The following LRFN2 variants were observed in gnomAD, a reference collection of about 807,000 sequenced individuals.
The protein encoded by LRFN2 is leucine-rich repeat and fibronectin type-III domain-containing protein 2.
A neutral mutation model predicts 37.3 loss-of-function variants in LRFN2; 18 were observed. That is an observed-to-expected ratio of 0.48 (90% CI 0.33 to 0.72). The LOEUF is 0.72. Ranked by LOEUF, LRFN2 falls within the 30% of genes least tolerant of loss-of-function variation. LRFN2 has a pLI of 0.02. For synonymous variants in LRFN2, 556 were observed against 466.6 expected, an observed-to-expected ratio of 1.19 and a Z score of -2.47; for missense variants, 1,006 against 1,060.7, an observed-to-expected ratio of 0.95 and a Z score of 0.72.
chr6:40,480,168 G>T (rs1764794949), intron 1 of LRFN2, among the ~76,000 whole-genome samples: 1 of 152,188 alleles, frequency 6.6e-6, no homozygotes, highest in Non-Finnish European at 1.5e-5. Flanking sequence ...CTGTTTCTCA[G>T]ATGAGGAAAT....
chr6:40,456,189 G>T (rs1464337725), intron 1 of LRFN2, among the ~76,000 whole-genome samples: 1 of 152,236 alleles, frequency 6.6e-6, no homozygotes, highest in Admixed American at 6.5e-5. Flanking sequence ...AGCTGTGTGA[G>T]ACCCTGAGCA....
intron 1 of LRFN2, among the ~76,000 whole-genome samples, chr6:40,568,980 C>T (rs571272699): frequency 6.6e-6 from 1 of 152,282 alleles, no homozygotes; most frequent in Non-Finnish European, 1.5e-5. Context: ...CCACACAGAA[C>T]CAGACGGGAG....
intron 1 of LRFN2, among the ~76,000 whole-genome samples, chr6:40,497,277 C>A (rs545498592): frequency 1.2e-4 from 19 of 152,162 alleles, no homozygotes; most frequent in African/African-American, 4.6e-4. Flanking sequence ...CTGGTTCTCA[C>A]CCACTGAGGA....
At chr6:40,474,132 C>T (rs982202668) in intron 1 of LRFN2, among the ~76,000 whole-genome samples, 2 of 152,016 alleles carry the variant, frequency 1.3e-5, no homozygotes, top group East Asian at 3.9e-4. Flanking sequence ...TCAGGTAAGT[C>T]GAGAGCCTTG....
At chr6:40,476,615 C>G (rs986764310) in intron 1 of LRFN2, among the ~76,000 whole-genome samples, 1 of 152,288 alleles carries the variant, frequency 6.6e-6, no homozygotes, top group Non-Finnish European at 1.5e-5. Flanking sequence ...AAGCTCAACA[C>G]TCTTGGTCTC....
intron 1 of LRFN2, among the ~76,000 whole-genome samples, chr6:40,439,096 C>T (rs953686153): frequency 4.6e-5 from 7 of 152,110 alleles, no homozygotes; most frequent in Admixed American, 4.6e-4. Flanking sequence ...CAATCAGAAC[C>T]ACCTCGAGCT....
At chr6:40,437,907 C>T (rs957721180) in intron 1 of LRFN2, among the ~76,000 whole-genome samples, 2 of 152,148 alleles carry the variant, frequency 1.3e-5, no homozygotes, top group African/African-American at 4.8e-5. Flanking sequence ...TTCAGAAGCT[C>T]ATAGCCACAT....
At chr6:40,485,759 C>T (rs1190504038) in intron 1 of LRFN2, among the ~76,000 whole-genome samples, 1 of 152,190 alleles carries the variant, frequency 6.6e-6, no homozygotes, top group Non-Finnish European at 1.5e-5. Context: ...AGCTCAAGGT[C>T]ACTTGGTTAT....
intron 1 of LRFN2, among the ~76,000 whole-genome samples, chr6:40,462,427 C>G (rs994289151): frequency 6.6e-6 from 1 of 152,264 alleles, no homozygotes; most frequent in Middle Eastern, 3.4e-3. Flanking sequence ...TGGGAAACCC[C>G]TGCAGCTCCC....
intron 1 of LRFN2, among the ~76,000 whole-genome samples, chr6:40,561,865 C>A (rs1349481853): frequency 1.3e-5 from 2 of 152,054 alleles, no homozygotes; most frequent in Non-Finnish European, 2.9e-5. Context: ...CAGGCTCAGG[C>A]TTCCTTGCTC....
chr6:40,416,765 C>T (rs1436628543), intron 2 of LRFN2, among the ~76,000 whole-genome samples: 1 of 152,298 alleles, frequency 6.6e-6, no homozygotes, highest in African/African-American at 2.4e-5. Context: ...TGTGCCCTCC[C>T]TCGGGTCAGC....
intron 1 of LRFN2, among the ~76,000 whole-genome samples, chr6:40,437,536 A>C (rs1326851272): frequency 6.6e-6 from 1 of 152,228 alleles, no homozygotes; most frequent in Non-Finnish European, 1.5e-5. Flanking sequence ...TAATGAATTC[A>C]AATCTGTGAC....
In LRFN2 at chr6:40,449,615, T is replaced by A. The variant is rs1764055643; in HGVS notation, c.-18-16484A>T. 2.6e-5 allele frequency among the ~76,000 whole-genome samples: 4 copies of A among 152,208 alleles called. No homozygotes were observed. The South Asian group carries it at 8.3e-4, about 32-fold the overall frequency. ...GGTTTGAGAATGCAAAACAATAAGA[T>A]GGAAGGAACCTGGGTATCTGGTGAT... On this transcript the variant is annotated intron_variant, in intron 1 of 2. Coordinates refer to ENST00000338305, the MANE Select transcript of LRFN2 (RefSeq NM_020737.3).
intron 1 of LRFN2, among the ~76,000 whole-genome samples, chr6:40,520,250 C>T (rs1055905222): frequency 6.6e-6 from 1 of 151,946 alleles, no homozygotes; most frequent in Admixed American, 6.6e-5. Flanking sequence ...GCAGTTCTGG[C>T]GTACGGCAGT....
intron 1 of LRFN2, among the ~76,000 whole-genome samples, chr6:40,529,229 G>A (rs189625010): frequency 1.6e-3 from 250 of 152,252 alleles, no homozygotes; most frequent in African/African-American, 5.4e-3. Flanking sequence ...GTCAGCCAGC[G>A]CTTCAAAGGA....
At chr6:40,401,065 G>A (rs747186182) in intron 2 of LRFN2, among the ~76,000 whole-genome samples, 1 of 146,874 alleles carries the variant, frequency 6.8e-6, no homozygotes, top group Non-Finnish European at 1.5e-5. Context: ...ACCTCTCTCT[G>A]TAGGCTGAGG....
intron 1 of LRFN2, among the ~76,000 whole-genome samples, chr6:40,483,583 A>G (rs1335183710): frequency 6.6e-6 from 1 of 152,192 alleles, no homozygotes; most frequent in Non-Finnish European, 1.5e-5. Context: ...AGTTTTTCAC[A>G]AATCAGCCCA....
chr6:40,489,846 T>A (rs1264624663), intron 1 of LRFN2, among the ~76,000 whole-genome samples: 1 of 152,128 alleles, frequency 6.6e-6, no homozygotes, highest in African/African-American at 2.4e-5. Flanking sequence ...ACTCATTCCC[T>A]CCTGTGACTT....
At chr6:40,411,735 G>T (rs540552274) in intron 2 of LRFN2, among the ~76,000 whole-genome samples, 26 of 151,838 alleles carry the variant, frequency 1.7e-4, no homozygotes, top group African/African-American at 6.1e-4. Context: ...CCACCTTCTC[G>T]GTGAGGCCTG....
Sources: gnomAD v4.1 joint callset for allele counts (sites outside exome capture counted in the v4.1 genomes callset) on GRCh38, gnomAD v4.1.1 for gene constraint, MANE v1.5 for transcripts, NCBI Gene and HGNC (gene_info 2026-07-23, HGNC 2026-07-21) for gene names.